The following PRICKLE1 variants were observed in gnomAD, a reference collection of about 807,000 sequenced individuals.
The protein encoded by PRICKLE1 is prickle planar cell polarity protein 1.
A neutral mutation model predicts 70.2 loss-of-function variants in PRICKLE1; 14 were observed. That is an observed-to-expected ratio of 0.20 (90% CI 0.13 to 0.31). The LOEUF (loss-of-function observed/expected upper bound fraction) is 0.31, where lower values mean the gene tolerates loss of function less well. Ranked by LOEUF, PRICKLE1 falls within the 10% of genes least tolerant of loss-of-function variation. The probability of loss-of-function intolerance (pLI) is 1.00; values close to 1 mark genes in which losing one functional copy is unlikely to be tolerated. For synonymous variants in PRICKLE1, 357 were observed against 379.9 expected, an observed-to-expected ratio of 0.94 and a Z score of 0.70; for missense variants, 821 against 1,026.2, an observed-to-expected ratio of 0.80 and a Z score of 2.73.
At chr12:42,585,201 A>T (rs1253111363) in intron 1 of PRICKLE1, among the ~76,000 whole-genome samples, 2 of 152,172 alleles carry the variant, frequency 1.3e-5, no homozygotes, top group African/African-American at 4.8e-5. Flanking sequence ...AGTAAAGGCA[A>T]ATGATAGCTG....
chr12:42,516,305 G>A (rs981565230), intron 1 of PRICKLE1, among the ~76,000 whole-genome samples: 3 of 151,930 alleles, frequency 2.0e-5, no homozygotes, highest in Admixed American at 2.0e-4. Flanking sequence ...CTAAGTTTTT[G>A]TATTTTTTAG....
chr12:42,576,972 G>C (rs1294679231), intron 1 of PRICKLE1, among the ~76,000 whole-genome samples: 1 of 152,208 alleles, frequency 6.6e-6, no homozygotes, highest in African/African-American at 2.4e-5. Context: ...TATCTGGGGA[G>C]TTTGGAAGAT....
At chr12:42,477,482 G>GTGTGTATATA (rs1350601331) in intron 1 of PRICKLE1, among the ~76,000 whole-genome samples, 3 of 116,396 alleles carry the variant, frequency 2.6e-5, no homozygotes, top group Non-Finnish European at 3.6e-5. Context: ...GTGTGTGTGT[G>GTGTGTATATA]TATATATATA....
chr12:42,524,266 T>C (rs537685308), intron 1 of PRICKLE1, among the ~76,000 whole-genome samples: 1 of 152,374 alleles, frequency 6.6e-6, no homozygotes, highest in East Asian at 1.9e-4. Context: ...ATTTTAGCTA[T>C]GTAATCTTGA....
chr12:42,467,672 C>T (rs1042973026), intron 5 of PRICKLE1, among the ~76,000 whole-genome samples: 14 of 151,912 alleles, frequency 9.2e-5, no homozygotes, highest in East Asian at 1.9e-4. Flanking sequence ...CTTGAACACG[C>T]GGGGCGGAGG....
intron 1 of PRICKLE1, among the ~76,000 whole-genome samples, chr12:42,563,087 G>A (rs577259623): frequency 6.6e-6 from 1 of 152,034 alleles, no homozygotes; most frequent in South Asian, 2.1e-4. Context: ...GGAGGCTGAG[G>A]CAGGAGAATT....
intron 1 of PRICKLE1, among the ~76,000 whole-genome samples, chr12:42,585,740 T>C (rs999377704): frequency 6.6e-6 from 1 of 152,208 alleles, no homozygotes; most frequent in Admixed American, 6.5e-5. Context: ...CTTTTTTCAC[T>C]GCTCCAAAAT....
intron 1 of PRICKLE1, among the ~76,000 whole-genome samples, chr12:42,512,087 G>C (rs1939522164): frequency 6.6e-6 from 1 of 151,002 alleles, no homozygotes; most frequent in African/African-American, 2.4e-5. Flanking sequence ...CAGCTCCAGT[G>C]ATGTGCCTGA....
At chr12:42,554,115 GAAAC>G (rs1156502108) in intron 1 of PRICKLE1, among the ~76,000 whole-genome samples, 1 of 151,944 alleles carries the variant, frequency 6.6e-6, no homozygotes. Context: ...AAAACAAAAC[GAAAC>G]AAACAAACCA....
chr12:42,509,135 T>C (rs1939469323), intron 1 of PRICKLE1, among the ~76,000 whole-genome samples: 1 of 152,202 alleles, frequency 6.6e-6, no homozygotes, highest in Non-Finnish European at 1.5e-5. Context: ...GTGATGGGCC[T>C]GACAGTCTGA....
At chr12:42,481,052 A>G (rs948674006) in intron 1 of PRICKLE1, among the ~76,000 whole-genome samples, 1 of 152,224 alleles carries the variant, frequency 6.6e-6, no homozygotes, top group Admixed American at 6.5e-5. Flanking sequence ...ACTAATAGGA[A>G]AGGAAGAAAT....
chr12:42,533,482 T>A (rs183642298), intron 1 of PRICKLE1, among the ~76,000 whole-genome samples: 2 of 152,290 alleles, frequency 1.3e-5, no homozygotes, highest in African/African-American at 2.4e-5. Flanking sequence ...AGCCCTAACA[T>A]TTGCTCCTTA....
intron 1 of PRICKLE1, among the ~76,000 whole-genome samples, chr12:42,548,308 T>A (rs1011824603): frequency 6.6e-6 from 1 of 152,226 alleles, no homozygotes; most frequent in Non-Finnish European, 1.5e-5. Flanking sequence ...GCATTTCAGA[T>A]TTTGGATTTT....
At chr12:42,477,591 T>A (rs1938619819) in intron 1 of PRICKLE1, among the ~76,000 whole-genome samples, 1 of 149,476 alleles carries the variant, frequency 6.7e-6, no homozygotes, top group Non-Finnish European at 1.5e-5. Context: ...TTTACTTTTG[T>A]AGCACAGAAG....
intron 1 of PRICKLE1, among the ~76,000 whole-genome samples, chr12:42,561,604 A>G (rs1031815766): frequency 1.3e-5 from 2 of 152,214 alleles, no homozygotes; most frequent in Non-Finnish European, 2.9e-5. Context: ...ATAGTTTTTA[A>G]TTACAGGTTA....
chr12:42,466,159 A>G lies in PRICKLE1; in HGVS notation c.775+35T>C, dbSNP rs12230583. ...GATAATCCAAGACAGACTAATGGCT[A>G]GGTGACAGGGCAGACGGGCTGGCTG... On this transcript the variant is annotated intron_variant, in intron 6 of 7. Coordinates refer to ENST00000345127, the MANE Select transcript of PRICKLE1 (RefSeq NM_153026.3). 0.36 allele frequency: 573,455 copies of G among 1,608,852 alleles called. 104,703 individuals carry two copies. The highest frequency in any genetic ancestry group is 0.39 in the Admixed American group (23,220 of 59,986).
chr12:42,509,503 T>C (rs1939474498), intron 1 of PRICKLE1, among the ~76,000 whole-genome samples: 1 of 152,154 alleles, frequency 6.6e-6, no homozygotes, highest in Admixed American at 6.5e-5. Flanking sequence ...TTTATTTTAG[T>C]TGTCTGTTTG....
chr12:42,461,394 A>G (rs891587545), intron 7 of PRICKLE1, among the ~76,000 whole-genome samples: 53 of 152,368 alleles, frequency 3.5e-4, no homozygotes, highest in African/African-American at 1.2e-3. Flanking sequence ...ATCATGAGCT[A>G]GTCTTCCTCA....
intron 1 of PRICKLE1, among the ~76,000 whole-genome samples, chr12:42,496,178 G>A (rs1247971541): frequency 6.6e-6 from 1 of 152,222 alleles, no homozygotes; most frequent in Non-Finnish European, 1.5e-5. Context: ...TTGCAAGCAT[G>A]AAAGCAACAC....
Sources: gnomAD v4.1 joint callset for allele counts (sites outside exome capture counted in the v4.1 genomes callset) on GRCh38, gnomAD v4.1.1 for gene constraint, MANE v1.5 for transcripts, NCBI Gene and HGNC (gene_info 2026-07-23, HGNC 2026-07-21) for gene names.